PKIB: variants seen among roughly 807,000 people sequenced by gnomAD.
The protein encoded by PKIB is cAMP-dependent protein kinase inhibitor beta.
In PKIB, 2 loss-of-function variants were observed where a neutral mutation model predicts 4.5. The observed-to-expected ratio is 0.44, with a 90% CI of 0.18 to 1.39. The LOEUF (loss-of-function observed/expected upper bound fraction) is 1.39, where lower values mean the gene tolerates loss of function less well. Among genes scored for constraint, PKIB ranks in the 40% most tolerant of loss-of-function variants. The probability of loss-of-function intolerance (pLI) is 0.27; values close to 1 mark genes in which losing one functional copy is unlikely to be tolerated. For synonymous variants in PKIB, 38 were observed against 36.0 expected, an observed-to-expected ratio of 1.06 and a Z score of -0.20; for missense variants, 94 against 92.6, an observed-to-expected ratio of 1.02 and a Z score of -0.06.
intron 2 of PKIB, among the ~76,000 whole-genome samples, chr6:122,503,202 A>G (rs1776296246): frequency 6.6e-6 from 1 of 152,190 alleles, no homozygotes; most frequent in Non-Finnish European, 1.5e-5. Flanking sequence ...AGGAGGTAGG[A>G]TTTCAGTATA....
chr6:122,712,339 G>T (rs1779303074), intron 3 of PKIB, among the ~76,000 whole-genome samples: 1 of 152,166 alleles, frequency 6.6e-6, no homozygotes, highest in South Asian at 2.1e-4. Context: ...ATCTGTTTTT[G>T]TTGGCACATA....
chr6:122,602,176 C>T (rs1296343829), intron 3 of PKIB, among the ~76,000 whole-genome samples: 1 of 152,080 alleles, frequency 6.6e-6, no homozygotes, highest in Middle Eastern at 3.2e-3. Flanking sequence ...TTATTATCTC[C>T]CTAAGATTCT....
At chr6:122,624,376 A>G (rs944911508) in intron 1 of PKIB, among the ~76,000 whole-genome samples, 2 of 152,210 alleles carry the variant, frequency 1.3e-5, no homozygotes, top group Non-Finnish European at 2.9e-5. Context: ...AACATGAAAC[A>G]TAAATTCAGG....
In PKIB at chr6:122,725,262, G is replaced by C. The variant is rs576901926; in HGVS notation, c.*67G>C. The stretch of plus-strand genomic sequence containing the variant: ...AAAGACTTAGTGGTTCTGTTTTCTT[G>C]AGACATTTAATCTGGTGGTAACTGT... On this transcript the variant is annotated 3_prime_UTR_variant, in exon 5 of 5. Transcript: ENST00000368452. The C allele has an allele frequency of 1.5e-6, 2 of 1,330,028 alleles. No homozygotes were observed. The allele number at this position is 1,330,028 out of a possible 1,614,324, so 82.4% of individuals were successfully genotyped here.
intron 2 of PKIB, among the ~76,000 whole-genome samples, chr6:122,534,070 A>G (rs755693703): frequency 2.2e-4 from 34 of 151,220 alleles, no homozygotes; most frequent in Admixed American, 4.0e-4. Flanking sequence ...CAGATAATCT[A>G]TTTTTTAAAT....
At chr6:122,717,231 G>A (rs1326907633) in intron 3 of PKIB, among the ~76,000 whole-genome samples, 1 of 152,036 alleles carries the variant, frequency 6.6e-6, no homozygotes, top group Non-Finnish European at 1.5e-5. Flanking sequence ...ATTACCATGA[G>A]TCTATCGAAA....
chr6:122,509,413 G>A (rs903608101), intron 2 of PKIB, among the ~76,000 whole-genome samples: 17 of 151,614 alleles, frequency 1.1e-4, no homozygotes, highest in African/African-American at 3.9e-4. Flanking sequence ...ATTTGTATAT[G>A]AGCCTGTCCA....
intron 2 of PKIB, among the ~76,000 whole-genome samples, chr6:122,648,732 G>A (rs1776423341): frequency 6.6e-6 from 1 of 152,158 alleles, no homozygotes; most frequent in African/African-American, 2.4e-5. Flanking sequence ...TAATAACAAA[G>A]CAGCACTTTT....
chr6:122,577,659 T>TA (rs1217452778), intron 2 of PKIB, among the ~76,000 whole-genome samples: 5 of 152,096 alleles, frequency 3.3e-5, no homozygotes, highest in Non-Finnish European at 1.5e-5. Flanking sequence ...CCTGTAATCC[T>TA]AGCACTTTAG....
chr6:122,679,105 A>G (rs772132343), intron 3 of PKIB, among the ~76,000 whole-genome samples: 25 of 152,206 alleles, frequency 1.6e-4, no homozygotes, highest in Non-Finnish European at 3.1e-4. Flanking sequence ...TGCATCCCAA[A>G]CAAGGTGTTA....
chr6:122,550,733 T>G (rs1445080840), intron 2 of PKIB, among the ~76,000 whole-genome samples: 1 of 152,208 alleles, frequency 6.6e-6, no homozygotes, highest in Non-Finnish European at 1.5e-5. Context: ...AAAATTTCAT[T>G]GATTTTCTCC....
chr6:122,580,941 C>T (rs1773685063), intron 2 of PKIB, among the ~76,000 whole-genome samples: 2 of 152,126 alleles, frequency 1.3e-5, no homozygotes, highest in South Asian at 4.1e-4. Context: ...TCATTATCAT[C>T]AATTCTTGTC....
intron 2 of PKIB, among the ~76,000 whole-genome samples, chr6:122,519,006 A>G (rs2114595476): frequency 6.6e-6 from 1 of 152,288 alleles, no homozygotes; most frequent in Non-Finnish European, 1.5e-5. Flanking sequence ...TAATACAAGT[A>G]TGAGCACTTA....
intron 2 of PKIB, chr6:122,483,726 T>C (rs1775688795): frequency 6.6e-6 from 1 of 152,166 alleles, no homozygotes; most frequent in Non-Finnish European, 1.5e-5. Context: ...TAAAGGCTAG[T>C]TTGCAAAGTT....
At chr6:122,696,030 C>T (rs1234309823) in intron 3 of PKIB, among the ~76,000 whole-genome samples, 1 of 152,120 alleles carries the variant, frequency 6.6e-6, no homozygotes, top group Non-Finnish European at 1.5e-5. Flanking sequence ...ACTGAGATTT[C>T]TTTACTCCTT....
At chr6:122,679,768 T>A (rs1777823953) in intron 3 of PKIB, among the ~76,000 whole-genome samples, 1 of 152,164 alleles carries the variant, frequency 6.6e-6, no homozygotes, top group South Asian at 2.1e-4. Context: ...CCTGGGGCTC[T>A]TCAATATTAA....
intron 2 of PKIB, among the ~76,000 whole-genome samples, chr6:122,646,329 A>G (rs1182452808): frequency 6.6e-6 from 1 of 152,192 alleles, no homozygotes; most frequent in African/African-American, 2.4e-5. Flanking sequence ...GGAATGCCCT[A>G]CATCAAACCA....
intron 2 of PKIB, chr6:122,644,465 T>C (rs1776235874): frequency 6.6e-6 from 1 of 152,236 alleles, no homozygotes; most frequent in Non-Finnish European, 1.5e-5. Context: ...ACTTTTGTCA[T>C]TTATTATTAG....
chr6:122,572,863 G>C (rs929508334), intron 2 of PKIB, among the ~76,000 whole-genome samples: 1 of 151,962 alleles, frequency 6.6e-6, no homozygotes, highest in Non-Finnish European at 1.5e-5. Context: ...ACACAAACTA[G>C]AAAATCTAGA....
Sources: allele counts gnomAD v4.1 joint callset (sites outside exome capture counted in the v4.1 genomes callset), GRCh38; gene constraint gnomAD v4.1.1; transcripts MANE v1.5; gene names NCBI Gene and HGNC (gene_info 2026-07-23, HGNC 2026-07-21).